The following MACROD2 variants were observed in gnomAD, a reference collection of about 807,000 sequenced individuals.
MACROD2 encodes ADP-ribose glycohydrolase MACROD2.
A neutral mutation model predicts 70.4 loss-of-function variants in MACROD2; 36 were observed. The ratio of observed to expected loss-of-function variants is 0.51; its 90% CI spans 0.39 to 0.68. The LOEUF (loss-of-function observed/expected upper bound fraction) is 0.68, where lower values mean the gene tolerates loss of function less well. MACROD2 is among the 30% of genes least tolerant of loss of function. MACROD2 has a pLI of 0.00. For synonymous variants in MACROD2, 172 were observed against 178.8 expected (o/e 0.96, Z 0.30); for missense variants, 496 against 538.4 (o/e 0.92, Z 0.78).
At chr20:14,112,917 C>T (rs867782511) in intron 3 of MACROD2, among the ~76,000 whole-genome samples, 4 of 151,738 alleles carry the variant, frequency 2.6e-5, no homozygotes, top group Non-Finnish European at 5.9e-5. Context: ...AGGAACTTAC[C>T]GATTTATTAA....
intron 15 of MACROD2, among the ~76,000 whole-genome samples, chr20:16,002,507 G>A (rs906886870): frequency 2.0e-5 from 3 of 152,168 alleles, no homozygotes; most frequent in Admixed American, 6.5e-5. Flanking sequence ...AAGGAGATGC[G>A]TTGGTAGAGG....
intron 15 of MACROD2, among the ~76,000 whole-genome samples, chr20:15,997,845 T>C (rs1008356775): frequency 1.3e-5 from 2 of 152,210 alleles, no homozygotes; most frequent in Non-Finnish European, 2.9e-5. Flanking sequence ...ATGGCCTTTA[T>C]TATGTTGGAG....
intron 5 of MACROD2, among the ~76,000 whole-genome samples, chr20:15,059,734 C>T (rs576838425): frequency 7.1e-4 from 108 of 152,312 alleles, no homozygotes; most frequent in African/African-American, 2.5e-3. Context: ...TTCTCAAATT[C>T]ATACAAAACA....
intron 13 of MACROD2, among the ~76,000 whole-genome samples, chr20:15,985,572 C>T (rs765510863): frequency 2.6e-5 from 4 of 152,188 alleles, no homozygotes; most frequent in African/African-American, 7.2e-5. Flanking sequence ...TAATCCTCCA[C>T]GGGGGCCTGC....
chr20:14,174,406 A>G (rs563934540), intron 3 of MACROD2, among the ~76,000 whole-genome samples: 1 of 152,158 alleles, frequency 6.6e-6, no homozygotes, highest in East Asian at 1.9e-4. Flanking sequence ...TAGGGGGATT[A>G]TGGCTTCCTC....
chr20:14,632,291 AG>A (rs1348190383), intron 4 of MACROD2, among the ~76,000 whole-genome samples: 1 of 152,162 alleles, frequency 6.6e-6, no homozygotes, highest in Non-Finnish European at 1.5e-5. Context: ...TTATATGTCA[AG>A]GTTAAAAGTT....
At chr20:14,846,155 T>G (rs565937148) in intron 5 of MACROD2, among the ~76,000 whole-genome samples, 1 of 152,172 alleles carries the variant, frequency 6.6e-6, no homozygotes, top group African/African-American at 2.4e-5. Flanking sequence ...ATGATATTAT[T>G]AGACTCCTAA....
chr20:15,477,128 C>CCTCA (rs1428565997), intron 7 of MACROD2, among the ~76,000 whole-genome samples: 1 of 116,748 alleles, frequency 8.6e-6, no homozygotes, highest in Non-Finnish European at 1.7e-5. Context: ...TGAGACAGGG[C>CCTCA]CTCACTCTGT....
intron 3 of MACROD2, among the ~76,000 whole-genome samples, chr20:14,292,113 T>A (rs1278385378): frequency 2.6e-5 from 4 of 151,924 alleles, no homozygotes; most frequent in Non-Finnish European, 5.9e-5. Context: ...ACTCATTCAT[T>A]GCCTAAAGCT....
At chr20:14,897,251 A>T (rs2073841312) in intron 5 of MACROD2, among the ~76,000 whole-genome samples, 1 of 152,102 alleles carries the variant, frequency 6.6e-6, no homozygotes, top group Non-Finnish European at 1.5e-5. Context: ...GTTTTATGGC[A>T]TTCTCTTTGA....
chr20:14,812,559 T>TAA (rs2072728107), intron 5 of MACROD2, among the ~76,000 whole-genome samples: 1 of 152,034 alleles, frequency 6.6e-6, no homozygotes, highest in Non-Finnish European at 1.5e-5. Flanking sequence ...TCCCAGAACT[T>TAA]AAAGTATAAT....
intron 4 of MACROD2, among the ~76,000 whole-genome samples, chr20:14,678,083 G>C (rs1011574584): frequency 2.0e-5 from 3 of 152,086 alleles, no homozygotes; most frequent in Non-Finnish European, 2.9e-5. Context: ...AGTGGGAGTG[G>C]AGCTGTGTTC....
In MACROD2 at chr20:14,068,549, CAG is replaced by C. The variant is rs145389530; in HGVS notation, c.164-17067_164-17066del. 7.6e-3 allele frequency among the ~76,000 whole-genome samples: 1,158 copies of C among 152,166 alleles called. 16 individuals carry two copies. Among genetic ancestry groups the C allele is most frequent in the African/African-American group, 0.026 (1,061 of 41,506 alleles). The stretch of plus-strand genomic sequence containing the variant: ...GGATGACCCAAAGTGCTTTGGGATT[CAG>C]AGAGTGAGAAGTAACATTCATAGGA... On this transcript the variant is annotated intron_variant, in intron 2 of 17. Transcript: ENST00000684519.
intron 5 of MACROD2, among the ~76,000 whole-genome samples, chr20:15,145,296 G>T (rs893264787): frequency 6.6e-6 from 1 of 152,116 alleles, no homozygotes; most frequent in East Asian, 1.9e-4. Flanking sequence ...TATTTTCTGG[G>T]TTTCAAGGAT....
intron 5 of MACROD2, among the ~76,000 whole-genome samples, chr20:15,181,989 T>A (rs1000656132): frequency 1.6e-4 from 23 of 143,502 alleles, no homozygotes; most frequent in African/African-American, 6.1e-4. Flanking sequence ...AAAAAAAACT[T>A]ATGACAAAAT....
At chr20:15,898,490 G>T (rs1173959520) in intron 10 of MACROD2, among the ~76,000 whole-genome samples, 1 of 143,636 alleles carries the variant, frequency 7.0e-6, no homozygotes, top group Non-Finnish European at 1.5e-5. Flanking sequence ...GGCGGAGGTT[G>T]CAGTGAGCTG....
In MACROD2 at chr20:14,616,998, A is replaced by G. The variant is rs547888097; in HGVS notation, c.302-67845A>G. 2.1e-4 allele frequency among the ~76,000 whole-genome samples: 32 copies of G among 152,262 alleles called. 1 individual carries two copies. In the South Asian group the frequency reaches 6.2e-3, roughly 30 times the overall value. On this transcript the variant is annotated intron_variant, in intron 4 of 17. Coordinates refer to ENST00000684519, the MANE Select transcript of MACROD2 (RefSeq NM_001351661.2). ...GTCTCAATTTTATTGCTTTGCAAAG[A>G]AATTTCAATTTAGAGTTTATCTAGG...
intron 5 of MACROD2, among the ~76,000 whole-genome samples, chr20:14,900,093 T>G (rs1169187116): frequency 6.6e-6 from 1 of 152,158 alleles, no homozygotes; most frequent in East Asian, 1.9e-4. Context: ...TCTTTGATTC[T>G]TTTAATAATA....
intron 2 of MACROD2, among the ~76,000 whole-genome samples, chr20:14,068,857 T>C (rs1276426772): frequency 2.0e-5 from 3 of 152,218 alleles, no homozygotes; most frequent in Non-Finnish European, 4.4e-5. Flanking sequence ...ATTAAAGAAC[T>C]TACAAGTTAA....
Sources: allele counts gnomAD v4.1 joint callset (sites outside exome capture counted in the v4.1 genomes callset), GRCh38; gene constraint gnomAD v4.1.1; transcripts MANE v1.5; gene names NCBI Gene and HGNC (gene_info 2026-07-23, HGNC 2026-07-21).